The following OR6F1 variants were observed in gnomAD, a reference collection of about 807,000 sequenced individuals.
OR6F1 encodes the protein olfactory receptor family 6 subfamily F member 1.
For synonymous variants in OR6F1, 144 were observed against 150.0 expected, an observed-to-expected ratio of 0.96 and a Z score of 0.29; for missense variants, 346 against 376.0, an observed-to-expected ratio of 0.92 and a Z score of 0.66.
At chr1:247,714,405 C>T (rs1400152637) in intron 1 of OR6F1, among the ~76,000 whole-genome samples, 3 of 152,008 alleles carry the variant, frequency 2.0e-5, no homozygotes, top group Non-Finnish European at 4.4e-5. Flanking sequence ...ATCTACCTTC[C>T]CACAATTCAT....
rs1344909518 is a variant in OR6F1 at position 247,712,393 on chromosome 1, G to C, written c.363C>G (p.Asp121Glu). ...AAGGATAGCAGATGGCAAGACAGCG[G>C]TCATAAGCCATGGCTGCCAGGAGGA... Reference protein sequence around the residue: ...EYFLLAAMAYDRCLAICYPLH... With the variant: ...EYFLLAAMAYERCLAICYPLH... Residue 121 changes from aspartate (D) to glutamate (E), a missense_variant, in exon 3 of 3, where the codon GAC becomes GAG. Coordinates refer to ENST00000641470, the MANE Select transcript of OR6F1 (RefSeq NM_001005286.2). The C allele has an allele frequency of 1.2e-6, 2 of 1,613,980 alleles. No individual in the cohort carries two copies. Among genetic ancestry groups the C allele is most frequent in the Non-Finnish European group, 8.5e-7 (1 of 1,179,916 alleles).
rs150728484 is a variant in OR6F1 at position 247,712,211 on chromosome 1, G to A, written c.545C>T (p.Ala182Val). Residue 182 changes from alanine (A) to valine (V), a missense_variant, in exon 3 of 3, where the codon GCA (alanine) becomes GTA (valine). Coordinates refer to ENST00000641470, the MANE Select transcript of OR6F1 (RefSeq NM_001005286.2). Reference protein sequence around the residue: ...RAINHFFCDIAPWIALACTNT... With the variant: ...RAINHFFCDIVPWIALACTNT... ...GGTGCAGGCCAGGGCAATCCAGGGT[G>A]CAATGTCACAGAAGAAGTGGTTGAT... The A allele has an allele frequency of 2.5e-6, 4 of 1,614,100 alleles. No homozygotes were observed. The African/African-American group carries it at 5.3e-5, about 22-fold the overall frequency.
chr1:247,713,158 A>G (rs770665408), intron 2 of OR6F1, among the ~76,000 whole-genome samples: 10 of 152,216 alleles, frequency 6.6e-5, no homozygotes, highest in Admixed American at 1.3e-4. Context: ...TGAATTTACT[A>G]CATTTTAACT....
In OR6F1 at chr1:247,711,878, C is replaced by T. The variant is rs372005274; in HGVS notation, c.878G>A (p.Arg293His). Reference protein sequence around the residue: ...PVLNPFIYTLRNKEVRETLLK... With the variant: ...PVLNPFIYTLHNKEVRETLLK... ...CAGAGTCTCTCTTACTTCCTTATTACGAAGCGTATAGATGAAGGGGTTTAA... is the reference window on the plus strand; with the variant it reads ...CAGAGTCTCTCTTACTTCCTTATTATGAAGCGTATAGATGAAGGGGTTTAA... The change falls in exon 3 of 3, where the codon CGT becomes CAT. Residue 293 changes from arginine to histidine, a missense_variant. Arg to His is a conservative substitution (Grantham distance 29). Coordinates refer to ENST00000641470, the MANE Select transcript of OR6F1 (RefSeq NM_001005286.2). 52 of 1,613,550 alleles carry T rather than the reference C, an allele frequency of 3.2e-5. No individual in the cohort carries two copies. The highest frequency in any genetic ancestry group is 1.3e-4 in the South Asian group (12 of 91,080).
At chr1:247,715,469 G>T (rs758072557) in intron 1 of OR6F1, among the ~76,000 whole-genome samples, 3 of 152,006 alleles carry the variant, frequency 2.0e-5, no homozygotes, top group Non-Finnish European at 2.9e-5. Context: ...TTTTACTTAT[G>T]CTGCTGAATT....
intron 2 of OR6F1, among the ~76,000 whole-genome samples, chr1:247,713,132 C>T (rs1660040677): frequency 6.6e-6 from 1 of 152,174 alleles, no homozygotes; most frequent in African/African-American, 2.4e-5. Flanking sequence ...TACATCTAAA[C>T]CCAGAAAGCG....
chr1:247,716,061 T>G (rs377088558), intron 1 of OR6F1, among the ~76,000 whole-genome samples: 24 of 152,072 alleles, frequency 1.6e-4, no homozygotes, highest in African/African-American at 5.8e-4. Flanking sequence ...GAGACCAGCC[T>G]GGGTGACATG....
chr1:247,716,151 C>T (rs1158679069), intron 1 of OR6F1, among the ~76,000 whole-genome samples, 180 bp downstream of exon 1: 1 of 151,812 alleles, frequency 6.6e-6, no homozygotes, highest in Non-Finnish European at 1.5e-5. Flanking sequence ...TACTCGGGAG[C>T]CTGAGGCAGG....
chr1:247,715,976 G>T (rs1660097843), intron 1 of OR6F1, among the ~76,000 whole-genome samples: 1 of 152,158 alleles, frequency 6.6e-6, no homozygotes, highest in African/African-American at 2.4e-5. Flanking sequence ...CCATCTGGCG[G>T]ACGTGGTGAC....
Position 247,712,938 on chromosome 1 carries a change from T to C in OR6F1, c.-62-121A>G, listed in dbSNP as rs563072146. On this transcript the variant is annotated intron_variant, in intron 2 of 2. Coordinates refer to ENST00000641470, the MANE Select transcript of OR6F1 (RefSeq NM_001005286.2). ...TGTTTGGAGGCATAGTTAATATCAG[T>C]TATTTTAATGAAACAGTGAGATATG... The C allele has an allele frequency of 9.8e-6, 5 of 508,292 alleles. No individual in the cohort carries two copies. In the Admixed American group the frequency reaches 1.4e-4, roughly 14 times the overall value. The allele number at this position is 508,292 out of a possible 1,614,324, so 31.5% of individuals were successfully genotyped here.
At position 247,712,388 on chromosome 1, in the gene OR6F1, C is replaced by T; in HGVS notation, c.368G>A (p.Cys123Tyr). Residue 123 changes from cysteine to tyrosine, a missense_variant, in exon 3 of 3, where the codon TGT (cysteine) becomes TAT (tyrosine). By Grantham distance (194) the Cys-to-Tyr change is radical (BLOSUM62 -2). Coordinates refer to ENST00000641470, the MANE Select transcript of OR6F1 (RefSeq NM_001005286.2). ...GTGTAAAGGATAGCAGATGGCAAGA[C>T]AGCGGTCATAAGCCATGGCTGCCAG... The part of the protein sequence containing the change: ...FLLAAMAYDR[C>Y]LAICYPLHYG... The T allele has an allele frequency of 6.2e-7, 1 of 1,614,122 alleles. No individual in the cohort carries two copies. The highest frequency in any genetic ancestry group is 1.1e-5 in the South Asian group (1 of 91,080).
At chr1:247,715,679 T>G (rs571269573) in intron 1 of OR6F1, among the ~76,000 whole-genome samples, 12 of 152,368 alleles carry the variant, frequency 7.9e-5, no homozygotes, top group African/African-American at 2.9e-4. Flanking sequence ...TAGGTTGAAG[T>G]AAATTACCTT....
chr1:247,711,645 A>G lies in OR6F1; in HGVS notation c.*184T>C, dbSNP rs891091728. 2.0e-6 allele frequency: 1 copy of G among 489,730 alleles called. No homozygotes were observed. Among genetic ancestry groups the G allele is most frequent in the Middle Eastern group, 5.3e-4 (1 of 1,900 alleles). 30.3% of individuals were successfully genotyped at this position (489,730 alleles called of 1,614,324 possible). On this transcript the variant is annotated 3_prime_UTR_variant, in exon 3 of 3. Transcript: ENST00000641470. ...TTTTGCTTAAAAATCCCATTTGCTT[A>G]TGTCAAAAACTCCCATTTTTATCAT...
Position 247,712,387 on chromosome 1 carries a change from A to G in OR6F1, c.369T>C (p.Cys123=), listed in dbSNP as rs7512807. ...AGTGTAAAGGATAGCAGATGGCAAG[A>G]CAGCGGTCATAAGCCATGGCTGCCA... ...FLLAAMAYDR[C]LAICYPLHYG... is the part of the protein sequence containing the mutation. Residue 123 remains cysteine, a synonymous_variant, in exon 3 of 3, where the codon TGT becomes TGC. Transcript: ENST00000641470. 0.13 allele frequency: 202,166 copies of G among 1,613,838 alleles called. 13,481 individuals carry two copies. Among genetic ancestry groups the G allele is most frequent in the East Asian group, 0.22 (10,006 of 44,878 alleles).
In OR6F1 at chr1:247,712,481, A is replaced by G. The variant is rs768475337; in HGVS notation, c.275T>C (p.Ile92Thr). 1 of 1,614,130 alleles carries G rather than the reference A, an allele frequency of 6.2e-7. No individual in the cohort carries two copies. Among genetic ancestry groups the G allele is most frequent in the Admixed American group, 1.7e-5 (1 of 60,032 alleles). The stretch of plus-strand genomic sequence containing the variant: ...CTGCAAAAGACAGCTTGTAAATGAT[A>G]TGGTCTGACTTCTCCCCAGTAGGAT... ...LAILLGRSQT[I>T]SFTSCLLQMY... The change falls in exon 3 of 3, where the codon ATA becomes ACA. Residue 92 changes from isoleucine to threonine, a missense_variant. Transcript: ENST00000641470.
chr1:247,711,998 C>T lies in OR6F1; in HGVS notation c.758G>A (p.Gly253Glu). 1 of 1,614,172 alleles carries T rather than the reference C, an allele frequency of 6.2e-7. No individual in the cohort carries two copies. The highest frequency in any genetic ancestry group is 8.5e-7 in the Non-Finnish European group (1 of 1,180,030). ...SHLTVVLIWYGSTVFLHVRTS... is the reference protein window; with the variant it reads ...SHLTVVLIWYESTVFLHVRTS... ...GCGGACGTGAAGGAAAACTGTGGAC[C>T]CATACCAAATGAGCACCACGGTGAG... is the stretch of plus-strand genomic sequence containing the variant. Residue 253 changes from glycine (G) to glutamate (E), a missense_variant, in exon 3 of 3, where the codon GGG (glycine) becomes GAG (glutamate). Gly to Glu is a moderately conservative substitution (Grantham distance 98, BLOSUM62 -2). Transcript: ENST00000641470.
chr1:247,715,940 C>A (rs1042709060), intron 1 of OR6F1, among the ~76,000 whole-genome samples: 7 of 152,014 alleles, frequency 4.6e-5, no homozygotes, highest in Non-Finnish European at 8.8e-5. Context: ...CAATCATATA[C>A]CACAATTTTG....
chr1:247,713,554 A>C (rs1351221843), intron 2 of OR6F1, among the ~76,000 whole-genome samples: 38 of 152,206 alleles, frequency 2.5e-4, no homozygotes, highest in Admixed American at 2.5e-3. Flanking sequence ...TAAAATTCTC[A>C]TAGTTTATTT....
Position 247,712,827 on chromosome 1 carries a change from T to A in OR6F1, c.-62-10A>T. 1.3e-6 allele frequency: 1 copy of A among 762,576 alleles called. No homozygotes were observed. The highest frequency in any genetic ancestry group is 2.1e-6 in the Non-Finnish European group (1 of 466,716). The allele number at this position is 762,576 out of a possible 1,614,324, so 47.2% of individuals were successfully genotyped here. A position where few individuals can be genotyped will look rare whatever the true frequency, so the allele number is the denominator to read the frequency against. ...ACCCAATCACACAGTCCTAGAAAGA[T>A]AAAAAGAATGGATTCATGAAAGAGC... is the stretch of plus-strand genomic sequence containing the variant. On this transcript the variant is annotated splice_polypyrimidine_tract_variant and intron_variant, in intron 2 of 2. Coordinates refer to ENST00000641470, the MANE Select transcript of OR6F1 (RefSeq NM_001005286.2).
Sources: allele counts gnomAD v4.1 joint callset (sites outside exome capture counted in the v4.1 genomes callset), GRCh38; gene constraint gnomAD v4.1.1; transcripts MANE v1.5; gene names NCBI Gene and HGNC (gene_info 2026-07-23, HGNC 2026-07-21).